Variants in NLK observed in about 807,000 individuals in gnomAD.
NLK encodes the protein nemo like kinase.
A neutral mutation model predicts 59.0 loss-of-function variants in NLK; 11 were observed. The ratio of observed to expected loss-of-function variants is 0.19; its 90% CI spans 0.12 to 0.31. The LOEUF (loss-of-function observed/expected upper bound fraction) is 0.31, where lower values mean the gene tolerates loss of function less well. Among genes scored for constraint, NLK ranks in the 10% least tolerant of loss-of-function variants. NLK has a pLI of 1.00. For synonymous variants in NLK, 235 were observed against 235.9 expected (o/e 1.00, Z 0.03); for missense variants, 410 against 661.1 (o/e 0.62, Z 4.16).
chr17:28,188,972 C>A (rs1909217427), intron 8 of NLK, among the ~76,000 whole-genome samples: 1 of 145,698 alleles, frequency 6.9e-6, no homozygotes, highest in Admixed American at 6.8e-5. Flanking sequence ...CATACACAGA[C>A]AAACACAGAC....
intron 5 of NLK, among the ~76,000 whole-genome samples, chr17:28,164,631 A>G (rs1908146515): frequency 6.6e-6 from 1 of 152,158 alleles, no homozygotes; most frequent in African/African-American, 2.4e-5. Flanking sequence ...CCTACCTCTA[A>G]TACAGATGTG....
intron 1 of NLK, among the ~76,000 whole-genome samples, chr17:28,091,752 C>G (rs1429746918): frequency 6.6e-6 from 1 of 152,066 alleles, no homozygotes; most frequent in Non-Finnish European, 1.5e-5. Context: ...GTTAAGAGAC[C>G]TTTGTTAATT....
At chr17:28,119,874 A>C (rs1027651200) in intron 1 of NLK, among the ~76,000 whole-genome samples, 1 of 152,184 alleles carries the variant, frequency 6.6e-6, no homozygotes, top group Non-Finnish European at 1.5e-5. Flanking sequence ...TGTTTCTGTC[A>C]AAAATGAATA....
intron 1 of NLK, among the ~76,000 whole-genome samples, chr17:28,045,074 A>G (rs569790500): frequency 2.0e-5 from 3 of 152,338 alleles, no homozygotes; most frequent in South Asian, 2.1e-4. Flanking sequence ...ACGTTCTGCT[A>G]GTGGGTACTA....
chr17:28,109,099 A>T (rs1905345706), intron 1 of NLK, among the ~76,000 whole-genome samples: 1 of 152,000 alleles, frequency 6.6e-6, no homozygotes, highest in African/African-American at 2.4e-5. Context: ...TGAACCTGGG[A>T]GGCGGAGCTT....
intron 1 of NLK, among the ~76,000 whole-genome samples, chr17:28,058,907 C>A (rs1451338404): frequency 6.6e-6 from 1 of 152,124 alleles, no homozygotes; most frequent in African/African-American, 2.4e-5. Context: ...AGGTGGATTG[C>A]TTGAGCTCAC....
In NLK at chr17:28,133,870, GTTATC is replaced by G. The variant is rs1353320577; in HGVS notation, c.644+1198_644+1202del. Among the ~76,000 whole-genome samples, 3 of 152,044 alleles carry G rather than the reference GTTATC, an allele frequency of 2.0e-5. No individual in the cohort carries two copies. In the East Asian group the frequency reaches 5.8e-4, roughly 29 times the overall value. On this transcript the variant is annotated intron_variant, in intron 3 of 10. Coordinates refer to ENST00000407008, the MANE Select transcript of NLK (RefSeq NM_016231.5). ...GGGGTTGGTAATTCCATATGAGATT[GTTATC>G]TTTGATAACTTCCTAGAAAATAGGA...
At chr17:28,150,194 A>G (rs1283353609) in intron 3 of NLK, among the ~76,000 whole-genome samples, 1 of 152,214 alleles carries the variant, frequency 6.6e-6, no homozygotes, top group Non-Finnish European at 1.5e-5. Context: ...GGATTAAATG[A>G]GATCATATAT....
In NLK at chr17:28,132,599, CTT is replaced by C. The variant is rs760720251; in HGVS notation, c.589-13_589-12del. 29 of 1,568,856 alleles carry C rather than the reference CTT, an allele frequency of 1.8e-5. No homozygotes were observed. Among genetic ancestry groups the C allele is most frequent in the Non-Finnish European group, 2.5e-5 (29 of 1,148,912 alleles). ...TTCCTTTTTTGTTCTCTAAATTTGA[CTT>C]TTTTTTTCCTTTTCTCAGGTACTCT... On this transcript the variant is annotated intron_variant, in intron 2 of 10. Transcript: ENST00000407008.
intron 5 of NLK, among the ~76,000 whole-genome samples, chr17:28,165,426 C>T (rs1327167806): frequency 2.6e-5 from 4 of 152,144 alleles, no homozygotes; most frequent in Non-Finnish European, 5.9e-5. Context: ...TTTGTGAATA[C>T]ACAACACACA....
intron 3 of NLK, 147 bp downstream of exon 3, chr17:28,132,822 TC>T (rs1178613076): frequency 2.3e-5 from 16 of 686,596 alleles, no homozygotes; most frequent in Non-Finnish European, 4.0e-5. Flanking sequence ...AATTTTGAAA[TC>T]CTGTGTGTCT....
rs1908921385 is a variant in NLK, at chr17:28,043,081, T to A, written c.208T>A (p.Ser70Thr). Reference sequence around the variant, plus strand: ...ACACCCTGTACAGCAGCACACCTCTTCGGCAGCTGCGGCAGCCGCAGCAGC... The same window carrying A: ...ACACCCTGTACAGCAGCACACCTCTACGGCAGCTGCGGCAGCCGCAGCAGC... ...AVHPVQQHTSSAAAAAAAAAA... is the reference protein window; with the variant it reads ...AVHPVQQHTSTAAAAAAAAAA... Residue 70 changes from serine to threonine, a missense_variant, in exon 1 of 11, where the codon TCG (serine) becomes ACG (threonine). Transcript: ENST00000407008. 1 of 1,572,264 alleles carries A rather than the reference T, an allele frequency of 6.4e-7. No homozygotes were observed. The highest frequency in any genetic ancestry group is 8.6e-7 in the Non-Finnish European group (1 of 1,158,350).
chr17:28,204,511 C>T, the NLK span, among the ~76,000 whole-genome samples: 1 of 152,118 alleles, frequency 6.6e-6, no homozygotes, highest in African/African-American at 2.4e-5. Flanking sequence ...TATATATGCG[C>T]CTGTGTGTAA....
intron 1 of NLK, among the ~76,000 whole-genome samples, chr17:28,080,131 G>T (rs1228195948): frequency 6.6e-6 from 1 of 152,130 alleles, no homozygotes; most frequent in African/African-American, 2.4e-5. Context: ...GCATGTTTGT[G>T]TGTGTGTATG....
At chr17:28,172,146 G>A (rs1253840840) in intron 6 of NLK, among the ~76,000 whole-genome samples, 1 of 150,426 alleles carries the variant, frequency 6.6e-6, no homozygotes, top group African/African-American at 2.4e-5. Context: ...TTTACATGAG[G>A]AATTTATTTA....
intron 3 of NLK, among the ~76,000 whole-genome samples, chr17:28,149,414 A>G (rs897246264): frequency 6.6e-6 from 1 of 152,188 alleles, no homozygotes; most frequent in Non-Finnish European, 1.5e-5. Context: ...ATATGAGTGT[A>G]TGTGTTTTTC....
chr17:28,129,716 C>CTTA (rs1906441735), intron 2 of NLK, among the ~76,000 whole-genome samples: 1 of 151,916 alleles, frequency 6.6e-6, no homozygotes, highest in Admixed American at 6.6e-5. Context: ...TATTCTTATT[C>CTTA]TTGTCTTTGA....
chr17:28,130,731 G>A (rs1214053467), intron 2 of NLK, among the ~76,000 whole-genome samples: 1 of 152,174 alleles, frequency 6.6e-6, no homozygotes, highest in Non-Finnish European at 1.5e-5. Flanking sequence ...CAGATACAGA[G>A]TTGAGAGTCC....
chr17:28,135,250 C>T (rs1906693669), intron 3 of NLK, among the ~76,000 whole-genome samples: 1 of 152,182 alleles, frequency 6.6e-6, no homozygotes, highest in Non-Finnish European at 1.5e-5. Flanking sequence ...AGACCACCCT[C>T]AGGCTCAGTG....
Sources: allele counts gnomAD v4.1 joint callset (sites outside exome capture counted in the v4.1 genomes callset), GRCh38; gene constraint gnomAD v4.1.1; transcripts MANE v1.5; gene names NCBI Gene and HGNC (gene_info 2026-07-23, HGNC 2026-07-21).